Variants in PABPC1L observed in about 807,000 individuals in gnomAD.
PABPC1L encodes the protein poly(A) binding protein cytoplasmic 1 like.
A neutral mutation model predicts 66.6 loss-of-function variants in PABPC1L; 31 were observed. The observed-to-expected ratio is 0.47, with a 90% confidence interval of 0.35 to 0.63. The LOEUF (loss-of-function observed/expected upper bound fraction) is 0.63, where lower values mean the gene tolerates loss of function less well. Ranked by LOEUF, PABPC1L falls within the 20% of genes least tolerant of loss-of-function variation. The probability of loss-of-function intolerance (pLI) is 0.00; values close to 1 mark genes in which losing one functional copy is unlikely to be tolerated. For synonymous variants in PABPC1L, 348 were observed against 335.1 expected (o/e 1.04, Z -0.42); for missense variants, 722 against 848.8 (o/e 0.85, Z 1.86).
At chr20:44,914,440 C>T (rs1438737377) in intron 2 of PABPC1L, among the ~76,000 whole-genome samples, 2 of 152,138 alleles carry the variant, frequency 1.3e-5, no homozygotes, top group Admixed American at 6.5e-5. Context: ...GATCTCCTGA[C>T]CTTGTGATCC....
intron 1 of PABPC1L, among the ~76,000 whole-genome samples, chr20:44,911,821 TATG>T (rs1182726865): frequency 6.6e-6 from 1 of 152,190 alleles, no homozygotes; most frequent in Non-Finnish European, 1.5e-5. Context: ...CCCAGGTATT[TATG>T]ATAAGACTAG....
At chr20:44,937,070 G>A (rs1035503418) in intron 12 of PABPC1L, 7 of 477,188 alleles carry the variant, frequency 1.5e-5, no homozygotes, top group Non-Finnish European at 2.9e-5. Context: ...CTTGTAGGTG[G>A]GGGGTTAAAG....
rs565862991 is a variant in PABPC1L, at chr20:44,923,312, G to T, written c.877-849G>T. ...AGGATAAAAGTTTTCTTCACGCAGGGTTGTTGTGAGGATTAAAAATCAAAA... is the reference window on the plus strand; with the variant it reads ...AGGATAAAAGTTTTCTTCACGCAGGTTTGTTGTGAGGATTAAAAATCAAAA... On this transcript the variant is annotated intron_variant, in intron 6 of 14. Transcript: ENST00000217073. Among the ~76,000 whole-genome samples the T allele has an allele frequency of 2.6e-5, 4 of 152,174 alleles. No homozygotes were observed. In the East Asian group the frequency reaches 7.7e-4, roughly 29 times the overall value.
chr20:44,937,971 G>T, intron 12 of PABPC1L, 90 bp from the exon 13 acceptor site: 2 of 1,567,734 alleles, frequency 1.3e-6, no homozygotes, highest in South Asian at 1.2e-5. Flanking sequence ...GAAGAACCCA[G>T]ATGTCCTCAG....
At chr20:44,928,731 G>A (rs1360010503) in intron 7 of PABPC1L, among the ~76,000 whole-genome samples, 1 of 151,880 alleles carries the variant, frequency 6.6e-6, no homozygotes, top group Non-Finnish European at 1.5e-5. Flanking sequence ...AGGCATGGTG[G>A]TGCTTGTCTG....
At position 44,910,108 on chromosome 20, in the gene PABPC1L, T is replaced by G; in HGVS notation, c.-36T>G. The stretch of plus-strand genomic sequence containing the variant: ...GCGCGGGGCTGCTGGGTGACCCGGC[T>G]CCTGCTTGCCCCGCAGCCCCGGCCC... On this transcript the variant is annotated 5_prime_UTR_variant, in exon 1 of 15. Coordinates refer to ENST00000217073, the MANE Select transcript of PABPC1L (RefSeq NM_001372179.1). The G allele has an allele frequency of 6.6e-7, 1 of 1,516,088 alleles. No homozygotes were observed. The highest frequency in any genetic ancestry group is 8.9e-7 in the Non-Finnish European group (1 of 1,124,726). The allele number at this position is 1,516,088 out of a possible 1,614,324, so 93.9% of individuals were successfully genotyped here.
At position 44,910,096 on chromosome 20, in the gene PABPC1L, G is replaced by GGGT; in HGVS notation, c.-46_-44dup. 1.0e-5 allele frequency: 15 copies of GGGT among 1,489,902 alleles called. No homozygotes were observed. Among genetic ancestry groups the GGGT allele is most frequent in the Non-Finnish European group, 1.4e-5 (15 of 1,104,816 alleles). 92.3% of individuals were successfully genotyped at this position (1,489,902 alleles called of 1,614,324 possible). A position where few individuals can be genotyped will look rare whatever the true frequency, so the allele number is the denominator to read the frequency against. On this transcript the variant is annotated 5_prime_UTR_variant, in exon 1 of 15. Coordinates refer to ENST00000217073, the MANE Select transcript of PABPC1L (RefSeq NM_001372179.1). ...CCGCCCGGGTGAGCGCGGGGCTGCT[G>GGGT]GGTGACCCGGCTCCTGCTTGCCCCG...
At chr20:44,920,410 T>C (rs1277245725) in intron 5 of PABPC1L, among the ~76,000 whole-genome samples, 1 of 152,206 alleles carries the variant, frequency 6.6e-6, no homozygotes, top group Non-Finnish European at 1.5e-5. Context: ...CTGGCTTCTT[T>C]CACTTAGTAA....
At chr20:44,921,294 A>G (rs969299364) in intron 5 of PABPC1L, among the ~76,000 whole-genome samples, 4 of 151,832 alleles carry the variant, frequency 2.6e-5, no homozygotes, top group African/African-American at 9.7e-5. Flanking sequence ...GATTACAGGC[A>G]TGTGCTTCCA....
At position 44,910,076 on chromosome 20, in the gene PABPC1L, C is replaced by T. The variant is rs1215120342; in HGVS notation, c.-68C>T. 8.0e-6 allele frequency: 11 copies of T among 1,379,116 alleles called. No homozygotes were observed. Among genetic ancestry groups the T allele is most frequent in the Non-Finnish European group, 9.8e-6 (10 of 1,023,850 alleles). The allele number at this position is 1,379,116 out of a possible 1,614,324, so 85.4% of individuals were successfully genotyped here. The stretch of plus-strand genomic sequence containing the variant: ...GCGCCCAGGAAGGAGGGCTTCCGCC[C>T]GGGTGAGCGCGGGGCTGCTGGGTGA... On this transcript the variant is annotated 5_prime_UTR_variant, in exon 1 of 15. Coordinates refer to ENST00000217073, the MANE Select transcript of PABPC1L (RefSeq NM_001372179.1).
At chr20:44,938,507 CAG>C (rs2066919113) in intron 13 of PABPC1L, among the ~76,000 whole-genome samples, 165 bp from the exon 14 acceptor site, 1 of 152,130 alleles carries the variant, frequency 6.6e-6, no homozygotes, top group Non-Finnish European at 1.5e-5. Flanking sequence ...AGGTGACAGA[CAG>C]GGCCATGGGA....
At chr20:44,921,784 T>C in intron 6 of PABPC1L, 53 bp downstream of exon 6, 1 of 1,604,760 alleles carries the variant, frequency 6.2e-7, no homozygotes, top group Non-Finnish European at 8.5e-7. Context: ...CAGCTGTGTG[T>C]CGGGGGCCCT....
At chr20:44,934,421 C>T (rs1191754426) in intron 10 of PABPC1L, among the ~76,000 whole-genome samples, 1 of 152,232 alleles carries the variant, frequency 6.6e-6, no homozygotes, top group Non-Finnish European at 1.5e-5. Context: ...CCACCATCCA[C>T]TCTCCAGAAC....
intron 8 of PABPC1L, 109 bp downstream of exon 8, chr20:44,930,835 G>C (rs890341852): frequency 2.0e-4 from 283 of 1,420,944 alleles, no homozygotes; most frequent in Admixed American, 4.7e-4. Flanking sequence ...TGCTTCTGCC[G>C]AGGACTCATT....
chr20:44,922,379 A>G (rs1478229591), intron 6 of PABPC1L, among the ~76,000 whole-genome samples: 1 of 152,184 alleles, frequency 6.6e-6, no homozygotes, highest in Non-Finnish European at 1.5e-5. Context: ...CTGGGATTAC[A>G]GGTGCGTGCC....
At chr20:44,938,295 G>T in intron 13 of PABPC1L, 104 bp downstream of exon 13, 1 of 1,433,440 alleles carries the variant, frequency 7.0e-7, no homozygotes, top group Non-Finnish European at 9.3e-7. Context: ...GCCAGATAAA[G>T]TGTTTCTTCT....
chr20:44,911,514 C>CT (rs2066704745), intron 1 of PABPC1L, among the ~76,000 whole-genome samples: 1 of 152,104 alleles, frequency 6.6e-6, no homozygotes, highest in Non-Finnish European at 1.5e-5. Context: ...AAAATAGTGG[C>CT]TTTAACATTC....
rs1472486698 is a variant in PABPC1L at position 44,926,908 on chromosome 20, T to C, written c.972+2652T>C. ...ATTTTTTATTAGATGCAGGTTCTTA[T>C]TCTGTTGCCCAGGCTGGAGGGCCAT... On this transcript the variant is annotated intron_variant, in intron 7 of 14. Transcript: ENST00000217073. Among the ~76,000 whole-genome samples, 3 of 152,052 alleles carry C rather than the reference T, an allele frequency of 2.0e-5. No individual in the cohort carries two copies. The East Asian group carries it at 5.8e-4, about 29-fold the overall frequency.
At chr20:44,932,666 A>G (rs960714081) in intron 9 of PABPC1L, 20 of 519,580 alleles carry the variant, frequency 3.8e-5, no homozygotes, top group Admixed American at 1.3e-4. Flanking sequence ...GTCATCACCA[A>G]AGATGCCTCT....
Sources: gnomAD v4.1 joint callset for allele counts (sites outside exome capture counted in the v4.1 genomes callset) on GRCh38, gnomAD v4.1.1 for gene constraint, MANE v1.5 for transcripts, NCBI Gene and HGNC (gene_info 2026-07-23, HGNC 2026-07-21) for gene names.